DDR2: variants seen among roughly 807,000 people sequenced by gnomAD.
DDR2 encodes discoidin domain-containing receptor 2.
DDR2 carries 27 observed loss-of-function variants against 94.9 expected under a neutral mutation model. That is an observed-to-expected ratio of 0.28 (90% CI 0.21 to 0.39). The LOEUF is 0.39. DDR2 is among the 10% of genes least tolerant of loss of function. The pLI is 1.00. For synonymous variants in DDR2, 382 were observed against 377.2 expected (o/e 1.01, Z -0.15); for missense variants, 783 against 1,076.0 (o/e 0.73, Z 3.81).
intron 3 of DDR2, among the ~76,000 whole-genome samples, chr1:162,726,387 G>A (rs539347822): frequency 1.3e-5 from 2 of 152,244 alleles, no homozygotes; most frequent in East Asian, 3.9e-4. Context: ...GGATAAAAGG[G>A]TTCCAAATAC....
At chr1:162,631,187 TGTGTGTGTGTGTG>T (rs1557992974), upstream of DDR2, among the ~76,000 whole-genome samples, 1,373 of 22,974 alleles carry the variant, frequency 0.06, 23 homozygotes, top group African/African-American at 0.12. Context: ...CCTCATTGTG[TGTGTGTGTGTGTG>T]TGTGTGTGTG....
intron 3 of DDR2, among the ~76,000 whole-genome samples, chr1:162,746,461 A>G (rs925842056): frequency 6.6e-6 from 1 of 152,202 alleles, no homozygotes; most frequent in Non-Finnish European, 1.5e-5. Flanking sequence ...AGGTAAACAA[A>G]GAAGCCGGGA....
chr1:162,770,534 G>A (rs1664215536), intron 12 of DDR2, 22 bp downstream of exon 12: 1 of 1,610,008 alleles, frequency 6.2e-7, no homozygotes, highest in African/African-American at 1.3e-5. Context: ...GTGGTGGGCA[G>A]GGTGTCAAGG....
chr1:162,681,396 T>C (rs1394350618), intron 2 of DDR2, among the ~76,000 whole-genome samples: 2 of 152,190 alleles, frequency 1.3e-5, no homozygotes, highest in Admixed American at 6.5e-5. Flanking sequence ...TACCAGGGCA[T>C]TGTGTCCTCT....
chr1:162,776,165 A>G lies in DDR2; in HGVS notation c.2078A>G (p.Gln693Arg), dbSNP rs1222604492. ...ACCAATCTGAAGTTTATGGCTACCC[A>G]AATTGCCTCTGGCATGAAGTACCTT... ...SYTNLKFMAT[Q>R]IASGMKYLSS... is the part of the protein sequence containing the mutation. The change falls in exon 16 of 18, where the codon CAA becomes CGA. Residue 693 changes from glutamine to arginine, a missense_variant. Transcript: ENST00000367921. 6.2e-7 allele frequency: 1 copy of G among 1,613,894 alleles called. No homozygotes were observed. The highest frequency in any genetic ancestry group is 1.3e-5 in the African/African-American group (1 of 74,904).
In DDR2 at chr1:162,775,713, C is replaced by CTAT; in HGVS notation, c.1921_1923dup (p.Leu641dup). On this transcript the variant is annotated inframe_insertion, in exon 15 of 18. Transcript: ENST00000367921. The stretch of plus-strand genomic sequence containing the variant: ...GCTCAAGGACCCAAACATCATCCAT[C>CTAT]TATTAGCTGTGTGTATCACTGATGA... The CTAT allele has an allele frequency of 6.2e-7, 1 of 1,614,140 alleles. No homozygotes were observed. Among genetic ancestry groups the CTAT allele is most frequent in the Non-Finnish European group, 8.5e-7 (1 of 1,179,994 alleles).
intron 2 of DDR2, among the ~76,000 whole-genome samples, chr1:162,696,066 T>C (rs1660171523): frequency 6.6e-6 from 1 of 152,206 alleles, no homozygotes; most frequent in Non-Finnish European, 1.5e-5. Context: ...TACTGTGGAT[T>C]ATCCATGACA....
chr1:162,638,878 T>C (rs373677723), intron 1 of DDR2, among the ~76,000 whole-genome samples: 24 of 152,320 alleles, frequency 1.6e-4, no homozygotes, highest in African/African-American at 5.5e-4. Context: ...ATAGTATCAA[T>C]GGAAATTAAA....
intron 3 of DDR2, among the ~76,000 whole-genome samples, chr1:162,752,587 G>T (rs1280746398): frequency 6.6e-6 from 1 of 152,214 alleles, no homozygotes; most frequent in African/African-American, 2.4e-5. Flanking sequence ...GCCAGAACAT[G>T]GTTCTAACCA....
In DDR2 at chr1:162,782,178, G is replaced by A. The variant is rs1647941618; in HGVS notation, c.*1932G>A. 1 of 152,170 alleles carries A rather than the reference G, an allele frequency of 6.6e-6. No individual in the cohort carries two copies. The highest frequency in any genetic ancestry group is 6.5e-5 in the Admixed American group (1 of 15,276). The allele number at this position is 152,170 out of a possible 1,614,324, so 9.4% of individuals were successfully genotyped here. On this transcript the variant is annotated 3_prime_UTR_variant, in exon 18 of 18. Coordinates refer to ENST00000367921, the MANE Select transcript of DDR2 (RefSeq NM_006182.4). The stretch of plus-strand genomic sequence containing the variant: ...ATCCTCTTTCTGCTTCACACTAAGT[G>A]TGTCATCTTGGCTAAATCACTTGGT...
intron 2 of DDR2, among the ~76,000 whole-genome samples, chr1:162,689,755 G>T (rs1341829321): frequency 6.8e-6 from 1 of 147,360 alleles, no homozygotes; most frequent in East Asian, 2.0e-4. Flanking sequence ...TGTAATCCCA[G>T]CACTTTGGGA....
chr1:162,662,610 A>T (rs1658361197), intron 2 of DDR2, among the ~76,000 whole-genome samples: 1 of 152,152 alleles, frequency 6.6e-6, no homozygotes, highest in Admixed American at 6.5e-5. Flanking sequence ...ACATATGTTT[A>T]TTGCACTGAA....
chr1:162,753,718 C>A (rs376677073), intron 4 of DDR2, among the ~76,000 whole-genome samples: 1 of 152,186 alleles, frequency 6.6e-6, no homozygotes, highest in Non-Finnish European at 1.5e-5. Flanking sequence ...TGCCAACAGA[C>A]AGAGTGTGGC....
chr1:162,637,775 A>G (rs1206429906), intron 1 of DDR2, among the ~76,000 whole-genome samples: 3 of 152,212 alleles, frequency 2.0e-5, no homozygotes, highest in Non-Finnish European at 2.9e-5. Flanking sequence ...TAGACATTTA[A>G]TAAAATATCT....
intron 2 of DDR2, among the ~76,000 whole-genome samples, chr1:162,705,731 G>C (rs188261305): frequency 1.3e-5 from 2 of 152,250 alleles, no homozygotes; most frequent in African/African-American, 4.8e-5. Context: ...GGCAGATCTG[G>C]GACTAGAACT....
At chr1:162,661,436 A>G (rs1282479547) in intron 2 of DDR2, among the ~76,000 whole-genome samples, 5 of 152,208 alleles carry the variant, frequency 3.3e-5, no homozygotes, top group African/African-American at 1.2e-4. Context: ...CACTGGGCAG[A>G]CTGTATGGGC....
At chr1:162,771,422 A>G (rs895563418) in intron 12 of DDR2, among the ~76,000 whole-genome samples, 1 of 152,224 alleles carries the variant, frequency 6.6e-6, no homozygotes, top group Non-Finnish European at 1.5e-5. Flanking sequence ...CATCTATTTT[A>G]TTATTCAATG....
chr1:162,707,157 A>G (rs1174885285), intron 2 of DDR2, among the ~76,000 whole-genome samples: 2 of 152,124 alleles, frequency 1.3e-5, no homozygotes, highest in Non-Finnish European at 2.9e-5. Context: ...TAGTGTCTGT[A>G]TGTCCCTGGG....
At chr1:162,653,470 A>G (rs6683643) in intron 1 of DDR2, among the ~76,000 whole-genome samples, 144,761 of 152,066 alleles carry the variant, frequency 0.95, 69,335 homozygotes, top group East Asian at 1. Flanking sequence ...CCAGGTACTT[A>G]GGAAGCTGAG....
Sources: allele counts gnomAD v4.1 joint callset (sites outside exome capture counted in the v4.1 genomes callset), GRCh38; gene constraint gnomAD v4.1.1; transcripts MANE v1.5; gene names NCBI Gene and HGNC (gene_info 2026-07-23, HGNC 2026-07-21).